Variants in IAH1 observed in about 807,000 individuals in gnomAD.
The protein encoded by IAH1 is isoamyl acetate-hydrolyzing esterase 1 homolog.
Under a neutral mutation model 26.7 loss-of-function variants are expected in IAH1, and 24 were observed. The observed-to-expected ratio is 0.90, with a 90% confidence interval of 0.65 to 1.26. The LOEUF is 1.26. Among genes scored for constraint, IAH1 ranks in the 50% most tolerant of loss-of-function variants. The probability of loss-of-function intolerance (pLI) is 0.00; values close to 1 mark genes in which losing one functional copy is unlikely to be tolerated. For synonymous variants in IAH1, 140 were observed against 118.5 expected (o/e 1.18, Z -1.18); for missense variants, 300 against 299.9 (o/e 1.00, Z 0.00).
intron 3 of IAH1, chr2:9,481,028 GATGTA>G: frequency 5.8e-6 from 2 of 347,766 alleles, no homozygotes; most frequent in Non-Finnish European, 1.0e-5. Flanking sequence ...CAACCTAATT[GATGTA>G]ATAACCATCT....
downstream of IAH1, chr2:9,493,879 A>G: frequency 6.9e-7 from 1 of 1,444,826 alleles, no homozygotes; most frequent in Non-Finnish European, 9.7e-7. Context: ...TGTATTCAGA[A>G]GCAATGTAGC....
intron 1 of IAH1, 90 bp from the exon 2 acceptor site, chr2:9,475,897 C>G: frequency 9.0e-7 from 1 of 1,105,562 alleles, no homozygotes; most frequent in Non-Finnish European, 1.4e-6. Context: ...AAGGGAGCGC[C>G]GAGAAAACAG....
chr2:9,497,042 A>G (rs1662664850), downstream of IAH1: 3 of 1,569,470 alleles, frequency 1.9e-6, no homozygotes, highest in Non-Finnish European at 8.6e-7. Context: ...CAACCTCCAA[A>G]TGGAGGAAGG....
At chr2:9,502,356 G>C in the IAH1 span, 1 of 1,214,710 alleles carries the variant, frequency 8.2e-7, no homozygotes, top group Non-Finnish European at 1.2e-6. Context: ...TTACGTTACA[G>C]TGACCTGAAG....
intron 1 of IAH1, 28 bp from the exon 2 acceptor site, chr2:9,475,959 T>C (rs752834146): frequency 3.1e-6 from 5 of 1,603,926 alleles, no homozygotes; most frequent in South Asian, 1.1e-5. Flanking sequence ...CAGTCATTAG[T>C]AGTAATAATG....
At chr2:9,493,922 A>G (rs191207517), downstream of IAH1, 332 of 1,003,836 alleles carry the variant, frequency 3.3e-4, no homozygotes, top group African/African-American at 4.9e-3. Flanking sequence ...AAAGGGCTTC[A>G]TTAAAATCAA....
intron 3 of IAH1, chr2:9,481,014 A>G: frequency 6.5e-6 from 2 of 309,002 alleles, no homozygotes; most frequent in Non-Finnish European, 1.2e-5. Flanking sequence ...TTTCTTTACA[A>G]ATTCAACCTA....
intron 4 of IAH1, among the ~76,000 whole-genome samples, chr2:9,483,358 C>G (rs1661293867): frequency 1.3e-5 from 2 of 152,186 alleles, no homozygotes; most frequent in Non-Finnish European, 2.9e-5. Flanking sequence ...ATCTTCTTGC[C>G]TCAGCCTCCC....
the IAH1 span, among the ~76,000 whole-genome samples, chr2:9,510,441 G>C: frequency 6.6e-6 from 1 of 152,066 alleles, no homozygotes; most frequent in East Asian, 1.9e-4. Flanking sequence ...TGAGGCAGGT[G>C]GATCACGAGG....
intron 2 of IAH1, 151 bp from the exon 3 acceptor site, chr2:9,478,071 T>C: frequency 3.2e-6 from 2 of 618,794 alleles, no homozygotes; most frequent in South Asian, 2.2e-5. Flanking sequence ...TTCAGCTATG[T>C]TCTTGCTCCT....
the IAH1 span, chr2:9,507,059 T>C: frequency 6.6e-6 from 1 of 152,218 alleles, no homozygotes; most frequent in African/African-American, 2.4e-5. Flanking sequence ...CACAGAGAAG[T>C]CCACCTGTGG....
downstream of IAH1, chr2:9,497,075 G>A: frequency 1.2e-6 from 2 of 1,603,990 alleles, no homozygotes; most frequent in Non-Finnish European, 1.7e-6. Context: ...CAAAGGCCAT[G>A]TTTTCTCCTG....
At chr2:9,509,926 A>G in the IAH1 span, 1 of 1,601,128 alleles carries the variant, frequency 6.2e-7, no homozygotes, top group South Asian at 1.1e-5. Flanking sequence ...CATTATGATC[A>G]TTATACACAG....
At chr2:9,508,495 T>C in the IAH1 span, among the ~76,000 whole-genome samples, 1 of 152,366 alleles carries the variant, frequency 6.6e-6, no homozygotes, top group East Asian at 1.9e-4. Flanking sequence ...TTCTAATAAC[T>C]TTACCAAGTG....
At chr2:9,484,627 C>G in intron 5 of IAH1, 77 bp downstream of exon 5, 1 of 961,600 alleles carries the variant, frequency 1.0e-6, no homozygotes. Context: ...CAGCAGCTTT[C>G]CCTAGAAAGG....
rs1682380207 is a variant in IAH1, at chr2:9,474,810, C to T, written c.81+163C>T. On this transcript the variant is annotated intron_variant, in intron 1 of 5. Transcript: ENST00000497473. This position sits in a 1 kb window ranked among gnomAD's most constrained non-coding sequence, Gnocchi z 4.3. ...GGAGGAGTGGCGGGTCCCCCAGTGGCTGCGCCTTCCGGGCCCGCGGCGTCC... is the reference window on the plus strand; with the variant it reads ...GGAGGAGTGGCGGGTCCCCCAGTGGTTGCGCCTTCCGGGCCCGCGGCGTCC... The T allele has an allele frequency of 1.8e-6, 1 of 556,870 alleles. No homozygotes were observed. Among genetic ancestry groups the T allele is most frequent in the Non-Finnish European group, 2.8e-6 (1 of 357,306 alleles). The allele number at this position is 556,870 out of a possible 1,614,324, so 34.5% of individuals were successfully genotyped here.
downstream of IAH1, among the ~76,000 whole-genome samples, chr2:9,500,088 C>CA (rs1558499517): frequency 6.6e-6 from 1 of 151,528 alleles, no homozygotes; most frequent in Admixed American, 6.6e-5. Flanking sequence ...CACAAAAACT[C>CA]ATAGATAAAT....
At chr2:9,481,064 CAA>C (rs1187600055) in intron 3 of IAH1, among the ~76,000 whole-genome samples, 1 of 152,172 alleles carries the variant, frequency 6.6e-6, no homozygotes, top group Non-Finnish European at 1.5e-5. Context: ...GACGAAAAGA[CAA>C]GAGTACTTAC....
At chr2:9,503,383 T>C in the IAH1 span, among the ~76,000 whole-genome samples, 2 of 152,228 alleles carry the variant, frequency 1.3e-5, no homozygotes, top group Non-Finnish European at 2.9e-5. Context: ...TTCTAACTTG[T>C]AACCTACTTC....
Sources: allele counts gnomAD v4.1 joint callset (sites outside exome capture counted in the v4.1 genomes callset), GRCh38; gene constraint gnomAD v4.1.1; non-coding constraint Gnocchi (gnomAD v3.1); transcripts MANE v1.5; gene names NCBI Gene and HGNC (gene_info 2026-07-23, HGNC 2026-07-21).